The following CNNM2 variants were observed in gnomAD, a reference collection of about 807,000 sequenced individuals.
The protein encoded by CNNM2 is cyclin and CBS domain divalent metal cation transport mediator 2, also known as metal transporter CNNM2.
A neutral mutation model predicts 66.9 loss-of-function variants in CNNM2; 12 were observed. The observed-to-expected ratio is 0.18, with a 90% CI of 0.11 to 0.29. CNNM2 has a LOEUF of 0.29. CNNM2 is among the 10% of genes least tolerant of loss of function. CNNM2 has a pLI of 1.00. For missense variants in CNNM2, 705 were observed against 1,167.7 expected, an observed-to-expected ratio of 0.60 and a Z score of 5.77; for synonymous variants, 557 against 501.8, an observed-to-expected ratio of 1.11 and a Z score of -1.47.
intron 2 of CNNM2, among the ~76,000 whole-genome samples, 151 bp downstream of exon 2, chr10:103,050,001 T>G (rs1254932032): frequency 6.6e-6 from 1 of 152,210 alleles, no homozygotes; most frequent in Non-Finnish European, 1.5e-5. Flanking sequence ...TATATTCCAG[T>G]CCTTTTATCA....
At chr10:103,049,960 T>A (rs1346356310) in intron 2 of CNNM2, 110 bp downstream of exon 2, 5 of 1,065,020 alleles carry the variant, frequency 4.7e-6, no homozygotes, top group Non-Finnish European at 6.9e-6. Context: ...TAATGACACA[T>A]GATGTGTGTA....
intron 1 of CNNM2, among the ~76,000 whole-genome samples, chr10:103,003,434 A>G (rs1178337336): frequency 6.6e-6 from 1 of 152,176 alleles, no homozygotes; most frequent in Non-Finnish European, 1.5e-5. Flanking sequence ...TACTTTTTTA[A>G]GTGAACTTTT....
Position 102,994,366 on chromosome 10 carries a change from T to C in CNNM2, c.1622-55341T>C, listed in dbSNP as rs1033791291. On this transcript the variant is annotated intron_variant, in intron 1 of 7. Coordinates refer to ENST00000369878, the MANE Select transcript of CNNM2 (RefSeq NM_017649.5). ...ACACCAACAAAATTGCCGGAAGGGC[T>C]GAAGAAATAGATTTCAAGTTTGTTC... is the stretch of plus-strand genomic sequence containing the variant. Among the ~76,000 whole-genome samples, 21 of 152,374 alleles carry C rather than the reference T, an allele frequency of 1.4e-4. No homozygotes were observed. In the Middle Eastern group the frequency reaches 0.014, roughly 99 times the overall value.
Position 102,950,981 on chromosome 10 carries a change from CTTTTTTT to C in CNNM2, c.1621+30898_1621+30904del, listed in dbSNP as rs34870588. On this transcript the variant is annotated intron_variant, in intron 1 of 7. Coordinates refer to ENST00000369878, the MANE Select transcript of CNNM2 (RefSeq NM_017649.5). ...GGGGCAATAGGAATTCTTTCTTTCTCTTTTTTTTTTTTTTTTTTTTTTTTGAGATGGA... is the reference window on the plus strand; with the variant it reads ...GGGGCAATAGGAATTCTTTCTTTCTCTTTTTTTTTTTTTTTTTGAGATGGA... 8.4e-4 allele frequency among the ~76,000 whole-genome samples: 68 copies of C among 80,514 alleles called. No homozygotes were observed. The East Asian group carries it at 0.012, about 14-fold the overall frequency. 52.8% of individuals were successfully genotyped at this position (80,514 alleles called of 152,430 possible).
In CNNM2 at chr10:103,054,254, C is replaced by T. The variant is rs571417850; in HGVS notation, c.1766-75C>T. The T allele has an allele frequency of 1.3e-6, 2 of 1,513,576 alleles. No homozygotes were observed. Among genetic ancestry groups the T allele is most frequent in the African/African-American group, 2.8e-5 (2 of 71,830 alleles). 93.8% of individuals were successfully genotyped at this position (1,513,576 alleles called of 1,614,324 possible). A position where few individuals can be genotyped will look rare whatever the true frequency, so the allele number is the denominator to read the frequency against. Reference sequence around the variant, plus strand: ...GTCCAGCTCTTCCAATATATTTTGTCTTTTTCATTCAAAAAGAGCCCTCAT... The same window carrying T: ...GTCCAGCTCTTCCAATATATTTTGTTTTTTTCATTCAAAAAGAGCCCTCAT... On this transcript the variant is annotated intron_variant, in intron 2 of 7. Transcript: ENST00000369878. This position sits in a 1 kb window ranked among gnomAD's most constrained non-coding sequence, Gnocchi z 5.2.
At chr10:102,965,231 T>C (rs1449807682) in intron 1 of CNNM2, among the ~76,000 whole-genome samples, 2 of 152,334 alleles carry the variant, frequency 1.3e-5, no homozygotes, top group East Asian at 3.9e-4. Flanking sequence ...ATAATGCTTC[T>C]TCCCTGCTCT....
chr10:103,039,529 T>G (rs1376761319), intron 1 of CNNM2, among the ~76,000 whole-genome samples: 1 of 152,222 alleles, frequency 6.6e-6, no homozygotes, highest in Admixed American at 6.5e-5. Context: ...TCTGAGTGTT[T>G]GTTACGTGGC....
At chr10:102,981,477 G>GT (rs1038119864) in intron 1 of CNNM2, among the ~76,000 whole-genome samples, 2 of 151,814 alleles carry the variant, frequency 1.3e-5, no homozygotes, top group African/African-American at 4.8e-5. Flanking sequence ...TCCTCCAGTA[G>GT]TTCCTAGAGA....
At chr10:102,999,885 A>G (rs2064083330) in intron 1 of CNNM2, among the ~76,000 whole-genome samples, 1 of 152,204 alleles carries the variant, frequency 6.6e-6, no homozygotes, top group Non-Finnish European at 1.5e-5. Flanking sequence ...ACAGAACATA[A>G]GAAGTGTTGG....
At position 103,054,337 on chromosome 10, in the gene CNNM2, A is replaced by G. The variant is rs1350904884; in HGVS notation, c.1774A>G (p.Arg592Gly). ...TTTAATTCCTCCCTTAGCTGACAACAGAACGAAAAAGAAAGTGGCTCACCG... is the reference window on the plus strand; with the variant it reads ...TTTAATTCCTCCCTTAGCTGACAACGGAACGAAAAAGAAAGTGGCTCACCG... The part of the protein sequence containing the change: ...LDETDLYTDN[R>G]TKKKVAHRER... Residue 592 changes from arginine (R) to glycine (G), a missense_variant, in exon 3 of 8, where the codon AGA (arginine) becomes GGA (glycine). By Grantham distance (125) the Arg-to-Gly change is moderately radical. Transcript: ENST00000369878. The surrounding 1 kb of genome is among the most constrained non-coding windows in gnomAD (Gnocchi z 5.2). 1 of 1,613,852 alleles carries G rather than the reference A, an allele frequency of 6.2e-7. No individual in the cohort carries two copies.
intron 1 of CNNM2, chr10:102,927,436 C>A: frequency 6.2e-7 from 1 of 1,611,734 alleles, no homozygotes; most frequent in East Asian, 2.2e-5. Context: ...ACATTGGCAA[C>A]TCTAGGATGT....
chr10:103,028,815 TTTTTTTTTTTTTC>T (rs2064761483), intron 1 of CNNM2, among the ~76,000 whole-genome samples: 1 of 67,696 alleles, frequency 1.5e-5, no homozygotes, highest in South Asian at 3.5e-4. Flanking sequence ...TTTCTTTTTC[TTTTTTTTTTTTTC>T]TTTTTTTTTT....
chr10:102,982,864 CTT>C (rs1349293874), intron 1 of CNNM2, among the ~76,000 whole-genome samples: 11 of 152,072 alleles, frequency 7.2e-5, no homozygotes, highest in African/African-American at 2.7e-4. Context: ...ATTCAATAAA[CTT>C]ATATTACAGT....
chr10:102,997,900 A>G (rs951885377), intron 1 of CNNM2, among the ~76,000 whole-genome samples: 5 of 152,228 alleles, frequency 3.3e-5, no homozygotes, highest in African/African-American at 1.2e-4. Flanking sequence ...CAAGAGTAAA[A>G]GAATATACTG....
chr10:103,003,238 T>C (rs919221611), intron 1 of CNNM2, among the ~76,000 whole-genome samples: 23 of 151,796 alleles, frequency 1.5e-4, no homozygotes, highest in African/African-American at 5.6e-4. Context: ...CTCAGCCTCC[T>C]GAGTAGCTGG....
chr10:103,049,097 G>A (rs570920028), intron 1 of CNNM2, among the ~76,000 whole-genome samples: 274 of 152,162 alleles, frequency 1.8e-3, no homozygotes, highest in Non-Finnish European at 3.1e-3. Flanking sequence ...CTTCCCGCCC[G>A]GGCCTCCCAA....
intron 1 of CNNM2, among the ~76,000 whole-genome samples, chr10:102,995,519 C>T (rs1178146472): frequency 6.6e-6 from 1 of 151,548 alleles, no homozygotes; most frequent in Non-Finnish European, 1.5e-5. Context: ...CTTTCTCTTT[C>T]TTGCTAACTC....
chr10:102,978,362 C>T (rs2063670192), intron 1 of CNNM2, among the ~76,000 whole-genome samples: 1 of 151,936 alleles, frequency 6.6e-6, no homozygotes. Flanking sequence ...CCTGTCTTTC[C>T]AGTTGTCAGG....
rs1358771458 is a variant in CNNM2, at chr10:102,927,391, GAC to G, written c.1621+7292_1621+7293del. ...AATCATACCAACACTGAAAAGAAGA[GAC>G]AATAAGAAGCATTCTTTCTTTCAAC... On this transcript the variant is annotated intron_variant, in intron 1 of 7. Coordinates refer to ENST00000369878, the MANE Select transcript of CNNM2 (RefSeq NM_017649.5). 1.9e-6 allele frequency: 3 copies of G among 1,613,646 alleles called. No individual in the cohort carries two copies. The highest frequency in any genetic ancestry group is 8.5e-7 in the Non-Finnish European group (1 of 1,179,884).
Sources: allele counts gnomAD v4.1 joint callset (sites outside exome capture counted in the v4.1 genomes callset), GRCh38; gene constraint gnomAD v4.1.1; non-coding constraint Gnocchi (gnomAD v3.1); transcripts MANE v1.5; gene names NCBI Gene and HGNC (gene_info 2026-07-23, HGNC 2026-07-21).